The following PIEZO1 variants were observed in gnomAD, a reference collection of about 807,000 sequenced individuals.
The protein encoded by PIEZO1 is piezo-type mechanosensitive ion channel component 1.
Under a neutral mutation model 297.2 loss-of-function variants are expected in PIEZO1, and 296 were observed. That is an observed-to-expected ratio of 1.00 (90% confidence interval 0.91 to 1.10). The LOEUF (loss-of-function observed/expected upper bound fraction) is 1.10, where lower values mean the gene tolerates loss of function less well. Among genes scored for constraint, PIEZO1 ranks in the 50% least tolerant of loss-of-function variants. The pLI is 0.00. For missense variants in PIEZO1, 5,018 were observed against 3,455.5 expected (o/e 1.45, Z -11.34); for synonymous variants, 2,427 against 1,507.5 (o/e 1.61, Z -14.13).
intron 10 of PIEZO1, 21 bp from the exon 11 acceptor site, chr16:88,736,760 C>T (rs1427883108): frequency 6.9e-7 from 1 of 1,453,388 alleles, no homozygotes; most frequent in Admixed American, 2.2e-5. Context: ...GGACAGCGGT[C>T]AGCTTCGGCA....
At chr16:88,774,908 C>A (rs1392409823) in intron 1 of PIEZO1, among the ~76,000 whole-genome samples, 2 of 152,190 alleles carry the variant, frequency 1.3e-5, no homozygotes, top group Non-Finnish European at 2.9e-5. Context: ...TGGGAATTAA[C>A]CCCAGAGGAA....
At position 88,742,363 on chromosome 16, in the gene PIEZO1, G is replaced by T; in HGVS notation, c.220C>A (p.His74Asn). ...TGCAGGCAGATCTGGAGGGCGAGAT[G>T]GGCCACCAGGAAGAGCAGGCTGAGG... ...LGLSLLFLVA[H>N]LALQICLHIV... Residue 74 changes from histidine to asparagine, a missense_variant, in exon 3 of 51, where the codon CAT (histidine) becomes AAT (asparagine). Physicochemically the swap from His to Asn is moderately conservative, Grantham distance 68. Coordinates refer to ENST00000301015, the MANE Select transcript of PIEZO1 (RefSeq NM_001142864.4). 1 of 1,535,394 alleles carries T rather than the reference G, an allele frequency of 6.5e-7. No homozygotes were observed. Among genetic ancestry groups the T allele is most frequent in the Admixed American group, 2.0e-5 (1 of 50,952 alleles).
At chr16:88,734,257 A>C in intron 16 of PIEZO1, 99 bp downstream of exon 16, 1 of 1,257,020 alleles carries the variant, frequency 8.0e-7, no homozygotes, top group Middle Eastern at 2.7e-4. Flanking sequence ...TGGGATCTGA[A>C]GGTGGAAGAT....
At chr16:88,727,884 C>A in intron 22 of PIEZO1, 1 of 364,734 alleles carries the variant, frequency 2.7e-6, no homozygotes, top group Non-Finnish European at 4.9e-6. Flanking sequence ...AGGAACTGAG[C>A]AGGAGGCCAG....
At chr16:88,748,000 C>G (rs374650454) in intron 2 of PIEZO1, among the ~76,000 whole-genome samples, 66 of 152,356 alleles carry the variant, frequency 4.3e-4, no homozygotes, top group East Asian at 1.9e-3. Context: ...TAGCCATGGA[C>G]AGGCCCCGAC....
At position 88,720,621 on chromosome 16, in the gene PIEZO1, C is replaced by T. The variant is rs1242838543; in HGVS notation, c.5796G>A (p.Leu1932=). The T allele has an allele frequency of 6.5e-7, 1 of 1,545,008 alleles. No homozygotes were observed. The highest frequency in any genetic ancestry group is 1.2e-5 in the South Asian group (1 of 83,914). ...CCCCGGCCGCCATCACTCACAGGGA[C>T]AGGCAGAAGCCCTGCAGCCGCCGCC... ...AAGRRLQGFC[L]SLAQGTYRPL... Residue 1932 remains leucine, a synonymous_variant, in exon 40 of 51, where the codon CTG becomes CTA. Transcript: ENST00000301015.
In PIEZO1 at chr16:88,755,066, C is replaced by T. The variant is rs535293489; in HGVS notation, c.65-5587G>A. Among the ~76,000 whole-genome samples the T allele has an allele frequency of 3.1e-4, 47 of 152,240 alleles. 1 individual carries two copies. In the South Asian group the frequency reaches 8.5e-3, roughly 28 times the overall value. On this transcript the variant is annotated intron_variant, in intron 1 of 50. Coordinates refer to ENST00000301015, the MANE Select transcript of PIEZO1 (RefSeq NM_001142864.4). ...CATCAGGTCACCGCCGCGGCCATCA[C>T]GTCACCGCCGCCCCCAGTGCAGGCA...
Position 88,735,064 on chromosome 16 carries a change from A to G in PIEZO1, c.1670-11T>C. 3 of 1,550,218 alleles carry G rather than the reference A, an allele frequency of 1.9e-6. No individual in the cohort carries two copies. The South Asian group carries it at 3.6e-5, about 18-fold the overall frequency. On this transcript the variant is annotated splice_polypyrimidine_tract_variant and intron_variant, in intron 13 of 50. Transcript: ENST00000301015. ...GCGTCCGCGTGGGCTCTGTGGGCCA[A>G]GCCAGGGGCAGGCGATGGCATCAGG...
chr16:88,722,527 G>C, intron 35 of PIEZO1, 56 bp downstream of exon 35: 8 of 1,437,116 alleles, frequency 5.6e-6, no homozygotes, highest in Non-Finnish European at 7.4e-6. Context: ...GGGATGGCTA[G>C]GCGATGCCCA....
chr16:88,716,564 G>A lies in PIEZO1; in HGVS notation c.6921C>T (p.Phe2307=), dbSNP rs1912049954. The A allele has an allele frequency of 6.5e-7, 1 of 1,542,874 alleles. No homozygotes were observed. The highest frequency in any genetic ancestry group is 1.4e-5 in the African/African-American group (1 of 73,096). The stretch of plus-strand genomic sequence containing the variant: ...GCCCCAAGTCCAGGACGAACCTCTG[G>A]AAGTTCCAGGTGAAGCGCAGGGTGA... ...ADITLRFTWN[F]QRDLAKGGTV... The change falls in exon 47 of 51, where the codon TTC becomes TTT. Residue 2307 remains phenylalanine, a synonymous_variant. Coordinates refer to ENST00000301015, the MANE Select transcript of PIEZO1 (RefSeq NM_001142864.4).
intron 21 of PIEZO1, among the ~76,000 whole-genome samples, 151 bp from the exon 22 acceptor site, chr16:88,732,061 G>A (rs1265310713): frequency 7.8e-6 from 1 of 128,476 alleles, no homozygotes; most frequent in Non-Finnish European, 1.7e-5. Context: ...TGTCAAGAGG[G>A]CAGGAGTGGC....
Position 88,734,900 on chromosome 16 carries a change from A to C in PIEZO1, c.1823T>G (p.Phe608Cys). 1 of 1,550,338 alleles carries C rather than the reference A, an allele frequency of 6.5e-7. No homozygotes were observed. ...VVYKIVYMFL[F>C]LLCLTLFQVY... Reference sequence around the variant, plus strand: ...CTGGAAGAGGGTGAGGCAGAGCAGGAAGAGGAACATGTAGACAATCTTGTA... The same window carrying C: ...CTGGAAGAGGGTGAGGCAGAGCAGGCAGAGGAACATGTAGACAATCTTGTA... The change falls in exon 14 of 51, where the codon TTC (phenylalanine) becomes TGC (cysteine). Residue 608 changes from phenylalanine (F) to cysteine (C), a missense_variant. Transcript: ENST00000301015.
Position 88,733,811 on chromosome 16 carries a change from G to A in PIEZO1, c.2330-66C>T, listed in dbSNP as rs1905034983. Reference sequence around the variant, plus strand: ...TTCCCGGGTCCCCTGTGAGGAAGAGGCTCTGGAGCCCAGAGGGGACTCTGC... The same window carrying A: ...TTCCCGGGTCCCCTGTGAGGAAGAGACTCTGGAGCCCAGAGGGGACTCTGC... On this transcript the variant is annotated intron_variant, in intron 17 of 50. Coordinates refer to ENST00000301015, the MANE Select transcript of PIEZO1 (RefSeq NM_001142864.4). The A allele has an allele frequency of 6.8e-6, 10 of 1,471,414 alleles. No individual in the cohort carries two copies. The South Asian group carries it at 1.2e-4, about 18-fold the overall frequency. The allele number at this position is 1,471,414 out of a possible 1,614,324, so 91.1% of individuals were successfully genotyped here.
intron 2 of PIEZO1, chr16:88,743,336 G>A (rs777301903): frequency 3.3e-5 from 15 of 454,268 alleles, no homozygotes; most frequent in African/African-American, 2.2e-4. Flanking sequence ...TGACAGGGCT[G>A]TGGACAGCTT....
At position 88,723,132 on chromosome 16, in the gene PIEZO1, C is replaced by A. The variant is rs1021458783; in HGVS notation, c.4458G>T (p.Glu1486Asp). ...CCTCGGGGCCCTCTGCTGGCTCCAC[C>A]TCCTGGCTGGGACCACCTCCTGGGC... is the stretch of plus-strand genomic sequence containing the variant. ...QLPTGGGPSQEVEPAEGPEEA... is the reference protein window; with the variant it reads ...QLPTGGGPSQDVEPAEGPEEA... The change falls in exon 33 of 51, where the codon GAG (glutamate) becomes GAT (aspartate). Residue 1486 changes from glutamate to aspartate, a missense_variant. By Grantham distance (45) the Glu-to-Asp change is conservative. Coordinates refer to ENST00000301015, the MANE Select transcript of PIEZO1 (RefSeq NM_001142864.4). The A allele has an allele frequency of 2.6e-6, 4 of 1,549,016 alleles. No individual in the cohort carries two copies. The highest frequency in any genetic ancestry group is 3.5e-6 in the Non-Finnish European group (4 of 1,146,824).
chr16:88,774,305 C>T (rs1907559134), intron 1 of PIEZO1, among the ~76,000 whole-genome samples: 1 of 152,218 alleles, frequency 6.6e-6, no homozygotes, highest in Non-Finnish European at 1.5e-5. Flanking sequence ...GCATGAGAAT[C>T]GCTTGAACCC....
rs1470986282 is a variant in PIEZO1, at chr16:88,736,365, A to T, written c.1340T>A (p.Leu447Gln). The T allele has an allele frequency of 6.5e-7, 1 of 1,549,932 alleles. No homozygotes were observed. The highest frequency in any genetic ancestry group is 1.4e-5 in the African/African-American group (1 of 73,138). Residue 447 changes from leucine (L) to glutamine (Q), a missense_variant, in exon 12 of 51, where the codon CTG becomes CAG. By Grantham distance (113) the Leu-to-Gln change is moderately radical. Coordinates refer to ENST00000301015, the MANE Select transcript of PIEZO1 (RefSeq NM_001142864.4). ...TYHSWLTFVL[L>Q]LWACLIWTVR... is the part of the protein sequence containing the mutation. ...CGTCCAGATGAGGCAGGCCCAGAGCAGCAGTACGAAGGTCAGCCAGCTGTG... is the reference window on the plus strand; with the variant it reads ...CGTCCAGATGAGGCAGGCCCAGAGCTGCAGTACGAAGGTCAGCCAGCTGTG...
intron 1 of PIEZO1, among the ~76,000 whole-genome samples, chr16:88,780,398 A>AG (rs1001531441): frequency 6.9e-5 from 9 of 131,078 alleles, no homozygotes; most frequent in East Asian, 2.4e-4. Context: ...GGGTAGGGGA[A>AG]GGGGGGGTCC....
intron 1 of PIEZO1, among the ~76,000 whole-genome samples, chr16:88,750,317 C>T (rs927106004): frequency 9.9e-5 from 15 of 152,234 alleles, no homozygotes; most frequent in African/African-American, 3.6e-4. Flanking sequence ...GCCTGGGCGA[C>T]AGAGCGAGAC....
Sources: gnomAD v4.1 joint callset for allele counts (sites outside exome capture counted in the v4.1 genomes callset) on GRCh38, gnomAD v4.1.1 for gene constraint, MANE v1.5 for transcripts, NCBI Gene and HGNC (gene_info 2026-07-23, HGNC 2026-07-21) for gene names.